The following SMYD3 variants were observed in gnomAD, a reference collection of about 807,000 sequenced individuals.
The protein encoded by SMYD3 is SET and MYND domain containing 3.
SMYD3 carries 36 observed loss-of-function variants against 57.7 expected under a neutral mutation model. The ratio of observed to expected loss-of-function variants is 0.62; its 90% CI spans 0.48 to 0.82. SMYD3 has a LOEUF of 0.82. SMYD3 is among the 40% of genes least tolerant of loss of function. The probability of loss-of-function intolerance (pLI) is 0.00; values close to 1 mark genes in which losing one functional copy is unlikely to be tolerated. For missense variants in SMYD3, 515 were observed against 538.8 expected (o/e 0.96, Z 0.44); for synonymous variants, 211 against 195.0 (o/e 1.08, Z -0.68).
chr1:246,194,869 G>A (rs745400497), intron 5 of SMYD3, among the ~76,000 whole-genome samples: 38 of 152,240 alleles, frequency 2.5e-4, no homozygotes, highest in South Asian at 6.2e-4. Flanking sequence ...CCACAAAAAC[G>A]TCTGAAGAAT....
At chr1:246,183,960 C>T (rs7543053) in intron 5 of SMYD3, among the ~76,000 whole-genome samples, 2 of 152,112 alleles carry the variant, frequency 1.3e-5, no homozygotes, top group Non-Finnish European at 2.9e-5. Flanking sequence ...AAAGTCAAAG[C>T]GCTTTAATAA....
At chr1:245,811,552 T>A (rs2148290150) in intron 10 of SMYD3, among the ~76,000 whole-genome samples, 1 of 152,194 alleles carries the variant, frequency 6.6e-6, no homozygotes, top group Middle Eastern at 3.4e-3. Flanking sequence ...TGATGAGAGG[T>A]TTTTGGAACA....
In SMYD3 at chr1:246,279,243, G is replaced by A. The variant is rs769304765; in HGVS notation, c.531+47958C>T. Reference sequence around the variant, plus strand: ...CAATGTAAGATTGTTGAGACCAGCCGGGCGCGGTGGCTCACACCTGTAATC... The same window carrying A: ...CAATGTAAGATTGTTGAGACCAGCCAGGCGCGGTGGCTCACACCTGTAATC... On this transcript the variant is annotated intron_variant, in intron 5 of 11. Transcript: ENST00000490107. Among the ~76,000 whole-genome samples, 51 of 152,288 alleles carry A rather than the reference G, an allele frequency of 3.3e-4. 1 individual carries two copies. The highest frequency in any genetic ancestry group is 4.8e-4 in the African/African-American group (20 of 41,574).
chr1:246,003,732 A>C (rs1286767622), intron 5 of SMYD3, among the ~76,000 whole-genome samples: 2 of 152,232 alleles, frequency 1.3e-5, no homozygotes, highest in Admixed American at 6.5e-5. Flanking sequence ...TGAAGCATTA[A>C]ATTTATTATA....
chr1:246,286,270 ATTTTTG>A lies in SMYD3; in HGVS notation c.531+40925_531+40930del, dbSNP rs1178320673. Among the ~76,000 whole-genome samples the A allele has an allele frequency of 5.3e-5, 8 of 152,328 alleles. No individual in the cohort carries two copies. The South Asian group carries it at 1.0e-3, about 20-fold the overall frequency. On this transcript the variant is annotated intron_variant, in intron 5 of 11. Transcript: ENST00000490107. ...TTGCTTTGCCAGCACTTTTGTTTAA[ATTTTTG>A]TTTTTAAGTTCCAGGATACATGCGC...
chr1:245,896,612 C>T (rs937762295), intron 8 of SMYD3, among the ~76,000 whole-genome samples: 6 of 152,100 alleles, frequency 3.9e-5, no homozygotes, highest in Non-Finnish European at 7.3e-5. Flanking sequence ...GGTGAGGCTA[C>T]CTTGCTTGAC....
At position 246,436,109 on chromosome 1, in the gene SMYD3, T is replaced by C. The variant is rs12739322; in HGVS notation, c.164+70945A>G. Reference sequence around the variant, plus strand: ...GTGGGTAGTAGTTACATATTCAAATTTCCTTCACCCACTTGAGAGAGAAAA... The same window carrying C: ...GTGGGTAGTAGTTACATATTCAAATCTCCTTCACCCACTTGAGAGAGAAAA... On this transcript the variant is annotated intron_variant, in intron 1 of 11. Coordinates refer to ENST00000490107, the MANE Select transcript of SMYD3 (RefSeq NM_001167740.2). Among the ~76,000 whole-genome samples the C allele has an allele frequency of 7.2e-5, 11 of 152,080 alleles. 2 individuals carry two copies. The highest frequency in any genetic ancestry group is 2.7e-4 in the African/African-American group (11 of 41,470).
intron 5 of SMYD3, among the ~76,000 whole-genome samples, chr1:246,022,652 G>A (rs2059493614): frequency 6.6e-6 from 1 of 152,208 alleles, no homozygotes; most frequent in Non-Finnish European, 1.5e-5. Flanking sequence ...GATGGCCTGT[G>A]TCATTGTTAA....
chr1:245,924,655 C>CTTT (rs150323644), intron 7 of SMYD3, among the ~76,000 whole-genome samples: 14 of 94,688 alleles, frequency 1.5e-4, no homozygotes, highest in African/African-American at 5.0e-4. Flanking sequence ...TCTATTCCAG[C>CTTT]TTTTTTTTTT....
intron 5 of SMYD3, among the ~76,000 whole-genome samples, chr1:246,156,597 G>A (rs2062026255): frequency 6.6e-6 from 1 of 152,126 alleles, no homozygotes; most frequent in South Asian, 2.1e-4. Context: ...CAACCATTAG[G>A]GATATAAAAC....
At chr1:246,143,140 C>T (rs917107530) in intron 5 of SMYD3, among the ~76,000 whole-genome samples, 2 of 132,598 alleles carry the variant, frequency 1.5e-5, no homozygotes, top group Non-Finnish European at 3.4e-5. Context: ...CACACACACA[C>T]ACACACACAC....
At chr1:246,318,062 A>G (rs2065192920) in intron 5 of SMYD3, among the ~76,000 whole-genome samples, 1 of 152,132 alleles carries the variant, frequency 6.6e-6, no homozygotes. Context: ...AGTCTCATAT[A>G]TTTATATTAT....
intron 1 of SMYD3, among the ~76,000 whole-genome samples, chr1:246,462,101 T>C (rs1411412045): frequency 6.6e-6 from 1 of 152,216 alleles, no homozygotes; most frequent in Non-Finnish European, 1.5e-5. Flanking sequence ...GGTGAAGGTT[T>C]GGTTTCTGAA....
intron 5 of SMYD3, among the ~76,000 whole-genome samples, chr1:246,290,954 A>C (rs2064677787): frequency 6.6e-6 from 1 of 152,196 alleles, no homozygotes. Flanking sequence ...AGTTTCAACA[A>C]TATAAAATGC....
intron 8 of SMYD3, among the ~76,000 whole-genome samples, chr1:245,895,381 T>C (rs1216218396): frequency 6.6e-6 from 1 of 152,126 alleles, no homozygotes; most frequent in Non-Finnish European, 1.5e-5. Context: ...GATGAAAACT[T>C]TAGAAACGGG....
intron 10 of SMYD3, among the ~76,000 whole-genome samples, chr1:245,812,359 G>A (rs1236046155): frequency 6.6e-6 from 1 of 152,150 alleles, no homozygotes; most frequent in East Asian, 1.9e-4. Flanking sequence ...CCTCATGCAG[G>A]AGCTGCCCCA....
At chr1:246,432,249 C>T (rs1199075142) in intron 1 of SMYD3, among the ~76,000 whole-genome samples, 2 of 152,216 alleles carry the variant, frequency 1.3e-5, no homozygotes, top group Non-Finnish European at 2.9e-5. Flanking sequence ...TCCATTCTTT[C>T]ATTTTAATTA....
intron 1 of SMYD3, among the ~76,000 whole-genome samples, chr1:246,500,996 C>T (rs1424713991): frequency 1.3e-5 from 2 of 152,188 alleles, no homozygotes; most frequent in Non-Finnish European, 2.9e-5. Context: ...TCAATTCTTC[C>T]ACCTTATTTC....
At chr1:245,994,012 A>T (rs4654182) in intron 5 of SMYD3, among the ~76,000 whole-genome samples, 97,559 of 152,102 alleles carry the variant, frequency 0.64, 34,712 homozygotes, top group Non-Finnish European at 0.8. Flanking sequence ...CTTTAGATGC[A>T]TAGAAAATCG....
Sources: gnomAD v4.1 joint callset for allele counts (sites outside exome capture counted in the v4.1 genomes callset) on GRCh38, gnomAD v4.1.1 for gene constraint, MANE v1.5 for transcripts, NCBI Gene and HGNC (gene_info 2026-07-23, HGNC 2026-07-21) for gene names.